ZNF280D: variants seen among roughly 807,000 people sequenced by gnomAD.
ZNF280D encodes the protein zinc finger protein 280D, also known as suppressor of hairy wing homolog 4.
A neutral mutation model predicts 94.7 loss-of-function variants in ZNF280D; 39 were observed. The ratio of observed to expected loss-of-function variants is 0.41; its 90% confidence interval spans 0.32 to 0.54. The LOEUF (loss-of-function observed/expected upper bound fraction) is 0.54, where lower values mean the gene tolerates loss of function less well. Ranked by LOEUF, ZNF280D falls within the 20% of genes least tolerant of loss-of-function variation. ZNF280D has a pLI of 0.22. For synonymous variants in ZNF280D, 398 were observed against 377.6 expected (o/e 1.05, Z -0.63); for missense variants, 1,090 against 1,149.3 (o/e 0.95, Z 0.75).
chr15:56,692,051 T>C (rs1231557164), intron 7 of ZNF280D, among the ~76,000 whole-genome samples: 1 of 151,974 alleles, frequency 6.6e-6, no homozygotes, highest in Non-Finnish European at 1.5e-5. Context: ...ACAGAAAGAA[T>C]AGGAGTCATT....
intron 16 of ZNF280D, among the ~76,000 whole-genome samples, chr15:56,664,832 G>A (rs2054181120): frequency 6.6e-6 from 1 of 152,170 alleles, no homozygotes; most frequent in Non-Finnish European, 1.5e-5. Flanking sequence ...TGGCCTTTAT[G>A]CCAGTGAGCA....
intron 10 of ZNF280D, among the ~76,000 whole-genome samples, chr15:56,681,770 C>T (rs2055633800): frequency 6.6e-6 from 1 of 152,002 alleles, no homozygotes; most frequent in African/African-American, 2.4e-5. Flanking sequence ...AGACATGCTT[C>T]CTAGAACTGA....
chr15:56,667,251 A>T (rs1224613934), intron 14 of ZNF280D, among the ~76,000 whole-genome samples: 2 of 152,204 alleles, frequency 1.3e-5, no homozygotes, highest in Admixed American at 6.6e-5. Flanking sequence ...AATACAAATT[A>T]TATGAATATA....
At chr15:56,642,731 TATAAG>T (rs1358848674) in intron 20 of ZNF280D, among the ~76,000 whole-genome samples, 4 of 151,760 alleles carry the variant, frequency 2.6e-5, no homozygotes, top group African/African-American at 9.7e-5. Flanking sequence ...GCAAGTGAAA[TATAAG>T]ATGTCTTTGT....
intron 4 of ZNF280D, among the ~76,000 whole-genome samples, chr15:56,703,523 T>C (rs2057212128): frequency 6.6e-6 from 1 of 152,176 alleles, no homozygotes; most frequent in Non-Finnish European, 1.5e-5. Flanking sequence ...TTTTCTCTTC[T>C]GGGTTGGAGA....
At chr15:56,666,283 T>C (rs2140852090) in intron 16 of ZNF280D, 112 bp downstream of exon 16, 1 of 1,114,812 alleles carries the variant, frequency 9.0e-7, no homozygotes. Flanking sequence ...GTTAGATCCT[T>C]TTAGCTCCTT....
intron 13 of ZNF280D, among the ~76,000 whole-genome samples, chr15:56,676,341 TC>T (rs1316165932): frequency 7.2e-5 from 11 of 152,268 alleles, no homozygotes; most frequent in African/African-American, 2.4e-4. Context: ...ATAACTCCCT[TC>T]AAAATCATTC....
intron 1 of ZNF280D, among the ~76,000 whole-genome samples, chr15:56,715,811 T>G (rs76719072): frequency 0.017 from 2,632 of 152,214 alleles, 39 homozygotes; most frequent in South Asian, 0.037. Context: ...ATTCCAGAAG[T>G]GCACATTTGG....
intron 20 of ZNF280D, among the ~76,000 whole-genome samples, chr15:56,638,500 G>C (rs2052461030): frequency 6.6e-6 from 1 of 152,064 alleles, no homozygotes; most frequent in African/African-American, 2.4e-5. Context: ...TACTGGGTGA[G>C]GCTGGGTATT....
intron 20 of ZNF280D, 27 bp from the exon 21 acceptor site, chr15:56,635,277 T>G (rs763740261): frequency 7.4e-7 from 1 of 1,359,046 alleles, no homozygotes; most frequent in Non-Finnish European, 9.9e-7. Flanking sequence ...TACTTTTCTT[T>G]TACATTCACA....
At chr15:56,731,449 G>T (rs2141537635) in intron 1 of ZNF280D, among the ~76,000 whole-genome samples, 1 of 146,706 alleles carries the variant, frequency 6.8e-6, no homozygotes, top group South Asian at 2.1e-4. Flanking sequence ...CAAGGATGCA[G>T]CGAGCCAAGA....
intron 19 of ZNF280D, chr15:56,652,777 G>A (rs1209228873): frequency 2.0e-6 from 2 of 984,626 alleles, no homozygotes; most frequent in East Asian, 2.3e-4. Context: ...TCACAATTAA[G>A]GTAATATTAA....
chr15:56,680,018 C>T (rs536873982), intron 10 of ZNF280D, among the ~76,000 whole-genome samples: 3 of 152,300 alleles, frequency 2.0e-5, no homozygotes, highest in South Asian at 4.1e-4. Flanking sequence ...TTAACCAATT[C>T]GCTTTTTCCC....
intron 19 of ZNF280D, among the ~76,000 whole-genome samples, chr15:56,649,675 G>A (rs1451604616): frequency 6.6e-6 from 1 of 151,418 alleles, no homozygotes; most frequent in African/African-American, 2.4e-5. Context: ...ACACATAAGA[G>A]CTACAGAGTT....
At chr15:56,660,951 C>A (rs1306496606) in intron 16 of ZNF280D, among the ~76,000 whole-genome samples, 1 of 150,610 alleles carries the variant, frequency 6.6e-6, no homozygotes, top group Non-Finnish European at 1.5e-5. Flanking sequence ...AAGCTGCCTG[C>A]CCTAGAGTTT....
At chr15:56,642,533 T>C (rs188842695) in intron 20 of ZNF280D, among the ~76,000 whole-genome samples, 4 of 151,900 alleles carry the variant, frequency 2.6e-5, no homozygotes, top group African/African-American at 9.6e-5. Flanking sequence ...TTAAAACATA[T>C]TTAAGATACA....
intron 4 of ZNF280D, among the ~76,000 whole-genome samples, chr15:56,703,545 G>C (rs1397081785): frequency 6.6e-6 from 1 of 152,062 alleles, no homozygotes; most frequent in Non-Finnish European, 1.5e-5. Flanking sequence ...AAATGAAAAA[G>C]AATAAACAGA....
At chr15:56,640,808 TAAG>T (rs1566928170) in intron 20 of ZNF280D, among the ~76,000 whole-genome samples, 3 of 152,148 alleles carry the variant, frequency 2.0e-5, no homozygotes, top group African/African-American at 7.2e-5. Flanking sequence ...CAAAATATGT[TAAG>T]AAGGTTTAGA....
At chr15:56,724,255 TA>T (rs1380475143) in intron 1 of ZNF280D, among the ~76,000 whole-genome samples, 2 of 152,200 alleles carry the variant, frequency 1.3e-5, no homozygotes, top group African/African-American at 4.8e-5. Context: ...ATCTCTTCAA[TA>T]AAGAGCCCCC....
Sources: gnomAD v4.1 joint callset for allele counts (sites outside exome capture counted in the v4.1 genomes callset) on GRCh38, gnomAD v4.1.1 for gene constraint, MANE v1.5 for transcripts, NCBI Gene and HGNC (gene_info 2026-07-23, HGNC 2026-07-21) for gene names.